BAZ1B: variants seen among roughly 807,000 people sequenced by gnomAD.
BAZ1B encodes the protein tyrosine-protein kinase BAZ1B.
BAZ1B carries 22 observed loss-of-function variants against 153.8 expected under a neutral mutation model. The ratio of observed to expected loss-of-function variants is 0.14; its 90% confidence interval spans 0.10 to 0.20. The LOEUF is 0.20. BAZ1B is among the 10% of genes least tolerant of loss of function. The probability of loss-of-function intolerance (pLI) is 1.00; values close to 1 mark genes in which losing one functional copy is unlikely to be tolerated. For synonymous variants in BAZ1B, 676 were observed against 633.4 expected, an observed-to-expected ratio of 1.07 and a Z score of -1.01; for missense variants, 1,325 against 1,799.3, an observed-to-expected ratio of 0.74 and a Z score of 4.77.
chr7:73,507,215 C>G (rs1232284710), intron 3 of BAZ1B: 1 of 152,024 alleles, frequency 6.6e-6, no homozygotes, highest in Non-Finnish European at 1.5e-5. Flanking sequence ...TATGTGCTCA[C>G]TTTGTCAGCA....
intron 11 of BAZ1B, 133 bp from the exon 12 acceptor site, chr7:73,463,232 CTTTTTTCTTTTTT>C: frequency 1.6e-6 from 1 of 638,504 alleles, no homozygotes; most frequent in Non-Finnish European, 2.4e-6. Flanking sequence ...GGTGTTTTTT[CTTTTTTCTTTTTT>C]TTTTTTTTTT....
chr7:73,494,015 T>C (rs1027486937), intron 4 of BAZ1B, among the ~76,000 whole-genome samples: 2 of 152,112 alleles, frequency 1.3e-5, no homozygotes, highest in Admixed American at 1.3e-4. Context: ...GAGATTAGAA[T>C]TTGTCTTGCT....
chr7:73,514,932 G>A (rs1413300013), intron 1 of BAZ1B, among the ~76,000 whole-genome samples: 1 of 151,906 alleles, frequency 6.6e-6, no homozygotes, highest in African/African-American at 2.4e-5. Context: ...AACTAGCCAC[G>A]CATGGTGGCG....
chr7:73,464,058 T>C, intron 11 of BAZ1B: 6 of 870,848 alleles, frequency 6.9e-6, no homozygotes, highest in Non-Finnish European at 8.3e-6. Flanking sequence ...GACAACACAA[T>C]TCTGAATACA....
At chr7:73,444,393 G>A (rs1185497059) in intron 16 of BAZ1B, among the ~76,000 whole-genome samples, 2 of 152,108 alleles carry the variant, frequency 1.3e-5, no homozygotes, top group Non-Finnish European at 2.9e-5. Flanking sequence ...CTTCTGTCCT[G>A]CCCCGTCCTG....
intron 3 of BAZ1B, among the ~76,000 whole-genome samples, chr7:73,504,650 C>T (rs1358338965): frequency 4.0e-5 from 6 of 151,354 alleles, no homozygotes; most frequent in Non-Finnish European, 7.4e-5. Flanking sequence ...GGCGACAGAG[C>T]GAGACTCTGT....
chr7:73,452,288 A>C (rs1227746135), intron 13 of BAZ1B, among the ~76,000 whole-genome samples: 1 of 152,162 alleles, frequency 6.6e-6, no homozygotes, highest in Non-Finnish European at 1.5e-5. Context: ...ACTGCTGAAC[A>C]ATATCTCATT....
intron 7 of BAZ1B, among the ~76,000 whole-genome samples, chr7:73,475,350 CA>C (rs1788957286): frequency 6.6e-6 from 1 of 151,922 alleles, no homozygotes; most frequent in Non-Finnish European, 1.5e-5. Flanking sequence ...GAATGAGAAA[CA>C]AAACGTGGTA....
At chr7:73,445,582 T>C (rs1787803103) in intron 16 of BAZ1B, among the ~76,000 whole-genome samples, 1 of 151,788 alleles carries the variant, frequency 6.6e-6, no homozygotes, top group Non-Finnish European at 1.5e-5. Flanking sequence ...GGATCTGCCC[T>C]CAGAGAGATC....
rs1791008667 is a variant in BAZ1B, at chr7:73,520,909, T to G, written c.107+918A>C. 2.6e-5 allele frequency among the ~76,000 whole-genome samples: 4 copies of G among 151,976 alleles called. No individual in the cohort carries two copies. In the South Asian group the frequency reaches 8.3e-4, roughly 32 times the overall value. On this transcript the variant is annotated intron_variant, in intron 1 of 19. Transcript: ENST00000339594. Reference sequence around the variant, plus strand: ...ATGCTTGATTCCGAAATCGTTTTTGTTTTTTTTACAGATAAGCCTCAAAAA... The same window carrying G: ...ATGCTTGATTCCGAAATCGTTTTTGGTTTTTTTACAGATAAGCCTCAAAAA...
intron 9 of BAZ1B, 76 bp downstream of exon 9, chr7:73,469,441 C>G: frequency 1.3e-6 from 2 of 1,548,628 alleles, no homozygotes; most frequent in Non-Finnish European, 1.8e-6. Context: ...GAAAACGTGA[C>G]AGAGGAAAAG....
At chr7:73,458,876 A>G (rs1330018495) in intron 13 of BAZ1B, among the ~76,000 whole-genome samples, 1 of 152,158 alleles carries the variant, frequency 6.6e-6, no homozygotes, top group Non-Finnish European at 1.5e-5. Flanking sequence ...CTTACACAAG[A>G]GCAAAACCCT....
chr7:73,455,128 G>A (rs998059628), intron 13 of BAZ1B, among the ~76,000 whole-genome samples: 4 of 151,550 alleles, frequency 2.6e-5, no homozygotes, highest in African/African-American at 9.7e-5. Flanking sequence ...CTCAAGATCC[G>A]CTAGCCTCAG....
intron 1 of BAZ1B, among the ~76,000 whole-genome samples, chr7:73,521,467 G>C (rs1554580171): frequency 6.6e-6 from 1 of 152,166 alleles, no homozygotes; most frequent in Non-Finnish European, 1.5e-5. Flanking sequence ...AGAAAACCTA[G>C]CTCCCCCTCC....
At chr7:73,520,129 A>G (rs1297294973) in intron 1 of BAZ1B, among the ~76,000 whole-genome samples, 2 of 151,706 alleles carry the variant, frequency 1.3e-5, no homozygotes, top group Admixed American at 1.3e-4. Flanking sequence ...GAATCACTTG[A>G]ACCCTGGAGG....
intron 5 of BAZ1B, among the ~76,000 whole-genome samples, chr7:73,491,571 C>T (rs1554575469): frequency 6.6e-6 from 1 of 151,948 alleles, no homozygotes; most frequent in Non-Finnish European, 1.5e-5. Flanking sequence ...TGCACTCCAG[C>T]CTGGGCAACA....
At position 73,443,269 on chromosome 7, in the gene BAZ1B, C is replaced by T. The variant is rs539347876; in HGVS notation, c.3991-441G>A. Among the ~76,000 whole-genome samples, 16 of 152,266 alleles carry T rather than the reference C, an allele frequency of 1.1e-4. No homozygotes were observed. The South Asian group carries it at 3.3e-3, about 32-fold the overall frequency. On this transcript the variant is annotated intron_variant, in intron 17 of 19. Coordinates refer to ENST00000339594, the MANE Select transcript of BAZ1B (RefSeq NM_032408.4). ...CCAATTCTGTGGGGGTGGGGTGCCT[C>T]TGGTAAGAAAAGCAAGAGGTCCAAT... is the stretch of plus-strand genomic sequence containing the variant.
At chr7:73,489,063 T>A in intron 6 of BAZ1B, 131 bp downstream of exon 6, 1 of 893,264 alleles carries the variant, frequency 1.1e-6, no homozygotes, top group Admixed American at 2.7e-5. Flanking sequence ...ATGTAACAGA[T>A]ATACCTGAAA....
intron 11 of BAZ1B, among the ~76,000 whole-genome samples, chr7:73,465,136 C>T (rs1788532393): frequency 1.3e-5 from 2 of 152,132 alleles, no homozygotes. Flanking sequence ...TACTTCTGGA[C>T]ACCCACCCAT....
Sources: gnomAD v4.1 joint callset for allele counts (sites outside exome capture counted in the v4.1 genomes callset) on GRCh38, gnomAD v4.1.1 for gene constraint, MANE v1.5 for transcripts, NCBI Gene and HGNC (gene_info 2026-07-23, HGNC 2026-07-21) for gene names.